Variants in FBXO47 observed in about 807,000 individuals in gnomAD.
The protein encoded by FBXO47 is F-box protein 47.
FBXO47 carries 34 observed loss-of-function variants against 53.9 expected under a neutral mutation model. The ratio of observed to expected loss-of-function variants is 0.63; its 90% CI spans 0.48 to 0.84. The LOEUF is 0.84. Among genes scored for constraint, FBXO47 ranks in the 40% least tolerant of loss-of-function variants. The probability of loss-of-function intolerance (pLI) is 0.00; values close to 1 mark genes in which losing one functional copy is unlikely to be tolerated. For synonymous variants in FBXO47, 165 were observed against 181.6 expected, an observed-to-expected ratio of 0.91 and a Z score of 0.73; for missense variants, 485 against 541.3, an observed-to-expected ratio of 0.90 and a Z score of 1.03.
intron 4 of FBXO47, among the ~76,000 whole-genome samples, chr17:38,955,958 CAAAAAAAAAAAAAAAA>C (rs34218216): frequency 3.3e-5 from 1 of 30,270 alleles, no homozygotes; most frequent in Non-Finnish European, 6.2e-5. Flanking sequence ...ACTCCATCTC[CAAAAAAAAAAAAAAAA>C]AAAAAAAAAA....
chr17:38,943,897 T>A (rs1448439572), intron 7 of FBXO47, among the ~76,000 whole-genome samples, 161 bp from the exon 8 acceptor site: 1 of 152,164 alleles, frequency 6.6e-6, no homozygotes, highest in African/African-American at 2.4e-5. Context: ...ATAGTATAGA[T>A]TTGAACGTCT....
chr17:38,957,973 AC>A (rs1169517715), intron 3 of FBXO47, among the ~76,000 whole-genome samples: 9 of 152,060 alleles, frequency 5.9e-5, no homozygotes, highest in African/African-American at 2.2e-4. Flanking sequence ...AGCTGGGACT[AC>A]AAGTGCACAC....
chr17:38,950,831 C>T (rs954859301), intron 6 of FBXO47, among the ~76,000 whole-genome samples: 3 of 152,056 alleles, frequency 2.0e-5, no homozygotes, highest in African/African-American at 7.2e-5. Flanking sequence ...CTTTTTGCCC[C>T]ACTGTCTTAT....
At chr17:38,938,462 CT>C (rs57980928) in intron 10 of FBXO47, 110 bp downstream of exon 10, 109,781 of 564,084 alleles carry the variant, frequency 0.19, 491 homozygotes, top group East Asian at 0.25. Flanking sequence ...ATAGAAATAG[CT>C]TTTTTTTTTT....
chr17:38,961,830 AT>A, intron 3 of FBXO47, 46 bp downstream of exon 3: 1 of 1,529,688 alleles, frequency 6.5e-7, no homozygotes, highest in South Asian at 1.2e-5. Flanking sequence ...GTTTCTCTTA[AT>A]TAAGCACAGT....
At position 38,949,432 on chromosome 17, in the gene FBXO47, A is replaced by G. The variant is rs148525131; in HGVS notation, c.616+2149T>C. On this transcript the variant is annotated intron_variant, in intron 6 of 10. Coordinates refer to ENST00000378079, the MANE Select transcript of FBXO47 (RefSeq NM_001008777.3). The stretch of plus-strand genomic sequence containing the variant: ...CAGACCCTGTCTCAAAACAAAACAA[A>G]ACAAAACAAAACAAAACAACAATAA... Among the ~76,000 whole-genome samples, 5 of 151,322 alleles carry G rather than the reference A, an allele frequency of 3.3e-5. No individual in the cohort carries two copies. In the East Asian group the frequency reaches 9.7e-4, roughly 29 times the overall value.
rs1419828135 is a variant in FBXO47 at position 38,967,294 on chromosome 17, A to G, written c.-92T>C. 3 of 152,088 alleles carry G rather than the reference A, an allele frequency of 2.0e-5. No individual in the cohort carries two copies. The highest frequency in any genetic ancestry group is 1.5e-5 in the Non-Finnish European group (1 of 68,012). 9.4% of individuals were successfully genotyped at this position (152,088 alleles called of 1,614,324 possible). On this transcript the variant is annotated 5_prime_UTR_variant, in exon 1 of 11. Coordinates refer to ENST00000378079, the MANE Select transcript of FBXO47 (RefSeq NM_001008777.3). ...AAGTGGGAGTTAGTCGTTTTGCCCC[A>G]CCATCCTCAAATTTCTTAGTGTTTA...
chr17:38,946,587 ACTATATAAATATATGAATATATAT>A (rs1567716958), intron 6 of FBXO47, among the ~76,000 whole-genome samples: 16 of 80,476 alleles, frequency 2.0e-4, no homozygotes, highest in Non-Finnish European at 3.0e-4. Context: ...TGAATATATA[ACTATATAAATATATGAATATATAT>A]AACTATATAA....
At chr17:38,946,437 T>A (rs1302749264) in intron 6 of FBXO47, among the ~76,000 whole-genome samples, 1 of 94,194 alleles carries the variant, frequency 1.1e-5, no homozygotes, top group African/African-American at 4.7e-5. Context: ...TAAATATATA[T>A]GAATATATAT....
rs1462853688 is a variant in FBXO47, at chr17:38,944,847, C to CGTGTGTGTGTGTGTGTGT, written c.793+112_793+113insACACACACACACACACAC. 55 of 400,488 alleles carry CGTGTGTGTGTGTGTGTGT rather than the reference C, an allele frequency of 1.4e-4. 1 individual carries two copies. The African/African-American group carries it at 1.4e-3, about 10-fold the overall frequency. 24.8% of individuals were successfully genotyped at this position (400,488 alleles called of 1,614,324 possible). ...GATCGCACCACTGTGTGCGTGCATG[C>CGTGTGTGTGTGTGTGTGT]ATGTGTGTGTGTGTGTGTGTGTGTA... On this transcript the variant is annotated intron_variant, in intron 7 of 10. Transcript: ENST00000378079.
Position 38,961,872 on chromosome 17 carries a change from G to A in FBXO47, c.352+5C>T. 1 of 1,607,056 alleles carries A rather than the reference G, an allele frequency of 6.2e-7. No homozygotes were observed. The highest frequency in any genetic ancestry group is 1.1e-5 in the South Asian group (1 of 89,906). On this transcript the variant is annotated splice_donor_5th_base_variant and intron_variant, in intron 3 of 10. Transcript: ENST00000378079. ...ACTTGTTGCAATTCTCATTACATAA[G>A]TTACCTAGAGATCTGTAGTGCTCCA... is the stretch of plus-strand genomic sequence containing the variant.
chr17:38,936,559 T>G lies in FBXO47; in HGVS notation c.*616A>C, dbSNP rs561660234. 1 of 152,106 alleles carries G rather than the reference T, an allele frequency of 6.6e-6. No individual in the cohort carries two copies. Among genetic ancestry groups the G allele is most frequent in the South Asian group, 2.1e-4 (1 of 4,806 alleles). The allele number at this position is 152,106 out of a possible 1,614,324, so 9.4% of individuals were successfully genotyped here. ...TGTATAGACCTTTTGTATGATTACC[T>G]TAAAGAAGGAAATATATGTCTGTGT... On this transcript the variant is annotated 3_prime_UTR_variant, in exon 11 of 11. Transcript: ENST00000378079.
intron 1 of FBXO47, among the ~76,000 whole-genome samples, chr17:38,963,279 G>A (rs905943607): frequency 1.3e-5 from 2 of 151,962 alleles, no homozygotes; most frequent in African/African-American, 4.8e-5. Flanking sequence ...CCGAGTTCAA[G>A]TGGTTCTTCT....
chr17:38,951,471 G>T, intron 6 of FBXO47, 110 bp downstream of exon 6: 1 of 721,514 alleles, frequency 1.4e-6, no homozygotes, highest in East Asian at 3.0e-5. Flanking sequence ...TGGGATTTTA[G>T]GCATGAGCCA....
At position 38,963,042 on chromosome 17, in the gene FBXO47, C is replaced by A. The variant is rs8065507; in HGVS notation, c.-17G>T. ...GGATGCCATTCTTCTTCTTGTCTCA[C>A]AAATTTATCCTGGTCAGAAAAACAA... On this transcript the variant is annotated 5_prime_UTR_variant, in exon 2 of 11. Coordinates refer to ENST00000378079, the MANE Select transcript of FBXO47 (RefSeq NM_001008777.3). 6.3e-7 allele frequency: 1 copy of A among 1,582,100 alleles called. No homozygotes were observed. Among genetic ancestry groups the A allele is most frequent in the East Asian group, 2.2e-5 (1 of 44,534 alleles).
intron 3 of FBXO47, among the ~76,000 whole-genome samples, chr17:38,959,088 C>A (rs1281381995): frequency 2.6e-5 from 4 of 151,608 alleles, no homozygotes; most frequent in Non-Finnish European, 4.4e-5. Context: ...ATGCTGACTG[C>A]CTAATATAAA....
At position 38,954,914 on chromosome 17, in the gene FBXO47, T is replaced by C. The variant is rs770220457; in HGVS notation, c.449A>G (p.Asn150Ser). 1 of 1,611,324 alleles carries C rather than the reference T, an allele frequency of 6.2e-7. No homozygotes were observed. The change falls in exon 5 of 11, where the codon AAT becomes AGT. Residue 150 changes from asparagine to serine, a missense_variant. Asn to Ser is a conservative substitution (Grantham distance 46, BLOSUM62 1). Coordinates refer to ENST00000378079, the MANE Select transcript of FBXO47 (RefSeq NM_001008777.3). The part of the protein sequence containing the change: ...ILTEVSCFKF[N>S]GCAAPMQCLG... ...ACACTGCATAGGAGCTGCACAGCCA[T>C]TGAATTTAAAGCAGGAAACCTGTAA... is the stretch of plus-strand genomic sequence containing the variant.
At chr17:38,939,649 T>A (rs1291914257) in intron 9 of FBXO47, among the ~76,000 whole-genome samples, 1 of 134,870 alleles carries the variant, frequency 7.4e-6, no homozygotes, top group Non-Finnish European at 1.6e-5. Context: ...AAGTAAAAGG[T>A]TTCTTTTTTT....
chr17:38,948,780 G>C (rs1036756729), intron 6 of FBXO47, among the ~76,000 whole-genome samples: 2 of 151,832 alleles, frequency 1.3e-5, no homozygotes, highest in African/African-American at 4.8e-5. Flanking sequence ...TATACTTTAA[G>C]TTCTGGGATA....
Sources: gnomAD v4.1 joint callset for allele counts (sites outside exome capture counted in the v4.1 genomes callset) on GRCh38, gnomAD v4.1.1 for gene constraint, MANE v1.5 for transcripts, NCBI Gene and HGNC (gene_info 2026-07-23, HGNC 2026-07-21) for gene names.